Variants in FERRY3 observed in about 807,000 individuals in gnomAD.
FERRY3 encodes the protein protein C12orf4.
At chr12:4,515,327 A>C in the FERRY3 span, among the ~76,000 whole-genome samples, 1 of 152,256 alleles carries the variant, frequency 6.6e-6, no homozygotes, top group Non-Finnish European at 1.5e-5. Flanking sequence ...ACTCCACTTT[A>C]GTGTATATAT....
chr12:4,521,127 G>A, the FERRY3 span, among the ~76,000 whole-genome samples: 1 of 152,164 alleles, frequency 6.6e-6, no homozygotes, highest in Non-Finnish European at 1.5e-5. Context: ...TTGGGAGGCC[G>A]AGGTGGGCGA....
At chr12:4,538,226 A>T in the FERRY3 span, among the ~76,000 whole-genome samples, 1 of 152,248 alleles carries the variant, frequency 6.6e-6, no homozygotes, top group African/African-American at 2.4e-5. Context: ...TCCCATAAGA[A>T]AATGGGATGG....
the FERRY3 span, among the ~76,000 whole-genome samples, chr12:4,533,332 C>T: frequency 1.3e-4 from 19 of 151,932 alleles, no homozygotes; most frequent in East Asian, 3.5e-3. Flanking sequence ...TAGCCAGTGC[C>T]CCATCCTTCA....
the FERRY3 span, among the ~76,000 whole-genome samples, chr12:4,516,880 C>A: frequency 4.6e-5 from 7 of 152,046 alleles, no homozygotes; most frequent in Non-Finnish European, 7.4e-5. Flanking sequence ...GGAAAAAAAA[C>A]CCCAAAAAAC....
At chr12:4,508,944 C>T in the FERRY3 span, 1 of 153,342 alleles carries the variant, frequency 6.5e-6, no homozygotes, top group Non-Finnish European at 1.4e-5. Context: ...GTCTACAGCT[C>T]CCAGCATGAG....
chr12:4,500,074 G>A, the FERRY3 span: 1 of 1,439,338 alleles, frequency 6.9e-7, no homozygotes, highest in Non-Finnish European at 9.7e-7. Flanking sequence ...ATATAATATT[G>A]GGGGTTAAAT....
At chr12:4,515,802 T>C in the FERRY3 span, among the ~76,000 whole-genome samples, 15 of 152,208 alleles carry the variant, frequency 9.9e-5, no homozygotes, top group Non-Finnish European at 1.6e-4. Flanking sequence ...ATCTTAAGTG[T>C]TCTCACCACG....
chr12:4,520,249 G>C, the FERRY3 span, among the ~76,000 whole-genome samples: 1 of 152,168 alleles, frequency 6.6e-6, no homozygotes, highest in African/African-American at 2.4e-5. Flanking sequence ...AAAACACTGA[G>C]GGCAGGAGAC....
the FERRY3 span, among the ~76,000 whole-genome samples, chr12:4,521,992 G>A: frequency 2.0e-5 from 3 of 152,142 alleles, no homozygotes; most frequent in East Asian, 1.9e-4. Flanking sequence ...GCAGATACAC[G>A]TCCTATACAT....
chr12:4,505,882 TA>T, the FERRY3 span, among the ~76,000 whole-genome samples: 2 of 152,204 alleles, frequency 1.3e-5, no homozygotes, highest in East Asian at 3.8e-4. Context: ...AATAAATGGC[TA>T]GTGGGACCAG....
At chr12:4,491,898 T>C in the FERRY3 span, among the ~76,000 whole-genome samples, 2 of 152,204 alleles carry the variant, frequency 1.3e-5, no homozygotes, top group Non-Finnish European at 2.9e-5. Context: ...TCTCAAACTT[T>C]GCGGGTCTCA....
the FERRY3 span, among the ~76,000 whole-genome samples, chr12:4,490,894 A>AT: frequency 1.3e-5 from 2 of 152,154 alleles, no homozygotes; most frequent in Admixed American, 6.6e-5. Context: ...ATGTGGCTCT[A>AT]TTTTTTTTCT....
chr12:4,488,849 T>G, the FERRY3 span: 1 of 152,148 alleles, frequency 6.6e-6, no homozygotes, highest in Non-Finnish European at 1.5e-5. This position sits in a 1 kb window ranked among gnomAD's most constrained non-coding sequence, Gnocchi z 4.9. Flanking sequence ...CTTATAGCAT[T>G]TAAATATGTT....
At chr12:4,523,777 G>A in the FERRY3 span, among the ~76,000 whole-genome samples, 2 of 152,134 alleles carry the variant, frequency 1.3e-5, no homozygotes, top group Non-Finnish European at 2.9e-5. Flanking sequence ...CTTGGACACA[G>A]GGCGGGGAAC....
chr12:4,513,419 A>G, the FERRY3 span, among the ~76,000 whole-genome samples: 1 of 151,576 alleles, frequency 6.6e-6, no homozygotes, highest in Non-Finnish European at 1.5e-5. Flanking sequence ...GAACCAAAAA[A>G]GAGCCCGCAT....
the FERRY3 span, among the ~76,000 whole-genome samples, chr12:4,524,468 G>A: frequency 2.0e-5 from 3 of 151,288 alleles, no homozygotes; most frequent in Non-Finnish European, 1.5e-5. Flanking sequence ...TGTCTTATGT[G>A]CTAGTGTCAA....
chr12:4,522,228 T>A, the FERRY3 span, among the ~76,000 whole-genome samples: 3 of 152,204 alleles, frequency 2.0e-5, no homozygotes, highest in South Asian at 6.2e-4. Context: ...AGAAATAAAG[T>A]CTTTAACTGA....
chr12:4,537,950 G>A, the FERRY3 span, among the ~76,000 whole-genome samples: 6 of 151,950 alleles, frequency 3.9e-5, no homozygotes, highest in Admixed American at 2.6e-4. Context: ...GTATTAGTAG[G>A]AGAATAGTAA....
chr12:4,535,781 T>C, the FERRY3 span, among the ~76,000 whole-genome samples: 1 of 152,194 alleles, frequency 6.6e-6, no homozygotes, highest in Non-Finnish European at 1.5e-5. This position sits in a 1 kb window ranked among gnomAD's most constrained non-coding sequence, Gnocchi z 4.0. Context: ...CCAAACTTTG[T>C]AGCTAATTTT....
Sources: gnomAD v4.1 joint callset for allele counts (sites outside exome capture counted in the v4.1 genomes callset) on GRCh38, gnomAD v4.1.1 for gene constraint, Gnocchi (gnomAD v3.1) non-coding constraint, MANE v1.5 for transcripts, NCBI Gene and HGNC (gene_info 2026-07-23, HGNC 2026-07-21) for gene names.